The following BBS9 variants were observed in gnomAD, a reference collection of about 807,000 sequenced individuals.
BBS9 encodes Bardet-Biedl syndrome 9.
Under a neutral mutation model 117.7 loss-of-function variants are expected in BBS9, and 89 were observed. That is an observed-to-expected ratio of 0.76 (90% CI 0.64 to 0.90). The LOEUF (loss-of-function observed/expected upper bound fraction) is 0.90, where lower values mean the gene tolerates loss of function less well. Ranked by LOEUF, BBS9 falls within the 40% of genes least tolerant of loss-of-function variation. BBS9 has a pLI of 0.00. For missense variants in BBS9, 982 were observed against 1,042.2 expected (o/e 0.94, Z 0.80); for synonymous variants, 379 against 370.9 (o/e 1.02, Z -0.25).
chr7:33,538,698 T>C (rs975827861), intron 21 of BBS9, among the ~76,000 whole-genome samples: 7 of 152,018 alleles, frequency 4.6e-5, no homozygotes, highest in Admixed American at 2.0e-4. Flanking sequence ...TAAGGAGATT[T>C]AGATGACTTA....
intron 19 of BBS9, among the ~76,000 whole-genome samples, chr7:33,408,474 A>G (rs1027445070): frequency 1.3e-5 from 2 of 152,120 alleles, no homozygotes; most frequent in African/African-American, 4.8e-5. Context: ...GGCACTCCCT[A>G]GTGAGATGAA....
chr7:33,273,753 A>G, intron 8 of BBS9, 74 bp from the exon 9 acceptor site: 2 of 1,405,584 alleles, frequency 1.4e-6, no homozygotes. Flanking sequence ...TTGTGCTATC[A>G]ATTTCCTAAA....
Position 33,352,855 on chromosome 7 carries a change from A to G in BBS9, c.1538-4A>G, listed in dbSNP as rs370239104. 31 of 1,612,638 alleles carry G rather than the reference A, an allele frequency of 1.9e-5. No individual in the cohort carries two copies. Among genetic ancestry groups the G allele is most frequent in the Non-Finnish European group, 2.2e-5 (26 of 1,178,928 alleles). On this transcript the variant is annotated splice_polypyrimidine_tract_variant and splice_region_variant and intron_variant, in intron 14 of 22. Transcript: ENST00000242067. The stretch of plus-strand genomic sequence containing the variant: ...CCCATTTTTGCATTGCCTGTGATGG[A>G]CAGATCGAAATCCTGATGGTAAGTG...
chr7:33,205,573 A>G (rs77214603), intron 5 of BBS9, among the ~76,000 whole-genome samples: 2,028 of 152,282 alleles, frequency 0.013, 49 homozygotes, highest in African/African-American at 0.047. Flanking sequence ...CAAGGATATC[A>G]TGCAAACCCA....
At chr7:33,467,715 G>C (rs1427605472) in intron 19 of BBS9, among the ~76,000 whole-genome samples, 1 of 152,054 alleles carries the variant, frequency 6.6e-6, no homozygotes, top group Non-Finnish European at 1.5e-5. Context: ...AATTAGCAGT[G>C]AAAAAAATAG....
At chr7:33,400,461 T>C (rs148838700) in intron 19 of BBS9, among the ~76,000 whole-genome samples, 22 of 152,296 alleles carry the variant, frequency 1.4e-4, no homozygotes, top group Non-Finnish European at 1.9e-4. Context: ...ATTCTTTTTG[T>C]ATTAGTTTTT....
At chr7:33,470,082 T>C (rs1032680376) in intron 19 of BBS9, among the ~76,000 whole-genome samples, 43 of 152,206 alleles carry the variant, frequency 2.8e-4, no homozygotes, top group Non-Finnish European at 5.9e-5. Flanking sequence ...GTAGAGGCCA[T>C]GTCTTGCTCA....
In BBS9 at chr7:33,368,967, A is replaced by T. The variant is rs764956662; in HGVS notation, c.1789+1105A>T. Reference sequence around the variant, plus strand: ...AAGAAAGAGGAGATTCTTTATTTTCATGATTTTTCTGATTGGTCATGATTG... The same window carrying T: ...AAGAAAGAGGAGATTCTTTATTTTCTTGATTTTTCTGATTGGTCATGATTG... On this transcript the variant is annotated intron_variant, in intron 17 of 22. Transcript: ENST00000242067. Among the ~76,000 whole-genome samples, 7 of 152,160 alleles carry T rather than the reference A, an allele frequency of 4.6e-5. No individual in the cohort carries two copies. The East Asian group carries it at 9.6e-4, about 21-fold the overall frequency.
intron 20 of BBS9, among the ~76,000 whole-genome samples, chr7:33,514,970 G>T (rs898558255): frequency 4.6e-5 from 7 of 152,142 alleles, no homozygotes; most frequent in Non-Finnish European, 8.8e-5. Flanking sequence ...TTAAGGCTTT[G>T]TAAGGACTAA....
At chr7:33,405,680 C>T (rs924969974) in intron 19 of BBS9, among the ~76,000 whole-genome samples, 141 of 152,192 alleles carry the variant, frequency 9.3e-4, no homozygotes, top group African/African-American at 2.7e-3. Context: ...TCTGTGGGAT[C>T]GGTGGTGGTA....
intron 19 of BBS9, among the ~76,000 whole-genome samples, chr7:33,431,802 G>A (rs1022815730): frequency 9.2e-5 from 14 of 152,172 alleles, no homozygotes; most frequent in Non-Finnish European, 5.9e-5. Context: ...TATGTTTAAT[G>A]GAAATTACTC....
intron 20 of BBS9, among the ~76,000 whole-genome samples, chr7:33,513,587 C>T (rs373927379): frequency 2.6e-5 from 4 of 152,042 alleles, no homozygotes; most frequent in African/African-American, 9.7e-5. Flanking sequence ...TGTTTCCACA[C>T]CCCTCCCCTT....
At chr7:33,625,952 G>A (rs1233455443) in intron 21 of BBS9, among the ~76,000 whole-genome samples, 1 of 152,182 alleles carries the variant, frequency 6.6e-6, no homozygotes, top group African/African-American at 2.4e-5. Flanking sequence ...GGGTAGTCTA[G>A]TTTAACTAGA....
intron 19 of BBS9, among the ~76,000 whole-genome samples, chr7:33,486,156 G>GT (rs919341038): frequency 6.7e-4 from 101 of 151,512 alleles, no homozygotes; most frequent in African/African-American, 2.1e-3. Flanking sequence ...CTAAGGCACA[G>GT]TTTTTTTTTC....
intron 9 of BBS9, among the ~76,000 whole-genome samples, chr7:33,299,895 C>T (rs1463911449): frequency 6.6e-6 from 1 of 152,072 alleles, no homozygotes; most frequent in Non-Finnish European, 1.5e-5. Context: ...TTCTTATTCC[C>T]TATTCTGTTT....
chr7:33,490,060 C>T (rs1843689467), intron 19 of BBS9, among the ~76,000 whole-genome samples: 1 of 152,076 alleles, frequency 6.6e-6, no homozygotes, highest in African/African-American at 2.4e-5. Context: ...AACTGTGACA[C>T]CTGTTTAATT....
chr7:33,132,865 GA>G (rs1266708891), intron 1 of BBS9, among the ~76,000 whole-genome samples: 1 of 152,160 alleles, frequency 6.6e-6, no homozygotes, highest in African/African-American at 2.4e-5. Flanking sequence ...TCTTCCAGGA[GA>G]AAGGGCAGAA....
At chr7:33,374,792 T>A (rs142384444) in intron 17 of BBS9, among the ~76,000 whole-genome samples, 1 of 151,320 alleles carries the variant, frequency 6.6e-6, no homozygotes, top group Non-Finnish European at 1.5e-5. Flanking sequence ...TCCCACCTAC[T>A]TGGGAGGTTG....
chr7:33,278,266 A>G (rs1055726652), intron 9 of BBS9, among the ~76,000 whole-genome samples: 4 of 152,156 alleles, frequency 2.6e-5, no homozygotes, highest in African/African-American at 9.6e-5. Context: ...ACTTCTTCCT[A>G]CTGACAGGGG....
Sources: allele counts gnomAD v4.1 joint callset (sites outside exome capture counted in the v4.1 genomes callset), GRCh38; gene constraint gnomAD v4.1.1; transcripts MANE v1.5; gene names NCBI Gene and HGNC (gene_info 2026-07-23, HGNC 2026-07-21).